The following DACH2 variants were observed in gnomAD, a reference collection of about 807,000 sequenced individuals.
DACH2 encodes the protein dachshund homolog 2.
Under a neutral mutation model 35.8 loss-of-function variants are expected in DACH2, and 17 were observed. The ratio of observed to expected loss-of-function variants is 0.48; its 90% CI spans 0.33 to 0.71. The LOEUF is 0.71. Among genes scored for constraint, DACH2 ranks in the 30% least tolerant of loss-of-function variants. The pLI is 0.02. For synonymous variants in DACH2, 195 were observed against 177.3 expected, an observed-to-expected ratio of 1.10 and a Z score of -0.79; for missense variants, 469 against 472.7, an observed-to-expected ratio of 0.99 and a Z score of 0.07.
chrX:86,492,729 T>A (rs745793498), intron 2 of DACH2, among the ~76,000 whole-genome samples: 122 of 111,937 alleles, frequency 1.1e-3, no homozygotes, highest in Middle Eastern at 4.6e-3. Context: ...CCTGTGTTAA[T>A]TCACTTAGGA....
intron 3 of DACH2, among the ~76,000 whole-genome samples, chrX:86,563,406 C>T (rs1483501740): frequency 3.6e-5 from 4 of 110,451 alleles, no homozygotes; most frequent in Admixed American, 2.9e-4. Context: ...GATAGTTCCA[C>T]TAGTTGTAAT....
intron 1 of DACH2, among the ~76,000 whole-genome samples, chrX:86,196,248 T>G (rs1299705400): frequency 8.9e-6 from 1 of 111,744 alleles, no homozygotes; most frequent in Non-Finnish European, 1.9e-5. Flanking sequence ...GAACATTAAC[T>G]GATAGAGCTG....
At chrX:86,488,930 C>T (rs112031672) in intron 2 of DACH2, among the ~76,000 whole-genome samples, 6,903 of 110,704 alleles carry the variant, frequency 0.062, 493 homozygotes, top group African/African-American at 0.21. Context: ...CATTACCTAA[C>T]GATACAGAAG....
intron 3 of DACH2, among the ~76,000 whole-genome samples, chrX:86,635,351 C>T (rs1363567162): frequency 9.6e-6 from 1 of 104,450 alleles, no homozygotes; most frequent in Non-Finnish European, 2.0e-5. Context: ...AAAAAAACCT[C>T]TCAAACTAGG....
At position 86,474,302 on chromosome X, in the gene DACH2, C is replaced by T. The variant is rs187525507; in HGVS notation, c.528-39977C>T. ...ATGGGTAGTTTGCAAATATTTTCTC[C>T]TATTTTGTGGGTTGTGTCTTTGTTG... On this transcript the variant is annotated intron_variant, in intron 2 of 11. Transcript: ENST00000373125. 8.1e-5 allele frequency among the ~76,000 whole-genome samples: 9 copies of T among 111,370 alleles called. No homozygotes were observed. In the East Asian group the frequency reaches 2.3e-3, roughly 28 times the overall value.
chrX:86,312,344 G>A (rs2034818826), intron 1 of DACH2, among the ~76,000 whole-genome samples: 1 of 111,700 alleles, frequency 9.0e-6, no homozygotes. Context: ...TTAGTTGTAC[G>A]AAGGATAGCT....
chrX:86,533,154 A>G (rs2038748974), intron 3 of DACH2, among the ~76,000 whole-genome samples: 1 of 110,397 alleles, frequency 9.1e-6, no homozygotes, highest in African/African-American at 3.3e-5. Flanking sequence ...GACTCAAGTG[A>G]CTCTCCTGCC....
intron 7 of DACH2, among the ~76,000 whole-genome samples, chrX:86,763,771 G>C (rs763208847): frequency 8.9e-6 from 1 of 111,964 alleles, no homozygotes; most frequent in East Asian, 2.8e-4. Flanking sequence ...GGTGTAAGGG[G>C]AATTTCTGGT....
chrX:86,311,236 T>C (rs1049799272), intron 1 of DACH2, among the ~76,000 whole-genome samples: 1 of 111,960 alleles, frequency 8.9e-6, no homozygotes, highest in African/African-American at 3.2e-5. Context: ...AAGATTACCA[T>C]CCATGGACTC....
rs1169805290 is a variant in DACH2, at chrX:86,305,900, T to A, written c.489-70924T>A. Among the ~76,000 whole-genome samples the A allele has an allele frequency of 2.7e-5, 3 of 111,749 alleles. No individual in the cohort carries two copies. The Admixed American group carries it at 2.9e-4, about 11-fold the overall frequency. ...AAATCAAAACCACAATGAGATGTCA[T>A]CTCACACCAGTTAGAATGGCTATCG... On this transcript the variant is annotated intron_variant, in intron 1 of 11. Transcript: ENST00000373125.
chrX:86,455,911 G>A (rs965714389), intron 2 of DACH2, among the ~76,000 whole-genome samples: 20 of 112,281 alleles, frequency 1.8e-4, no homozygotes, highest in African/African-American at 6.5e-4. Flanking sequence ...GTATGTTTTA[G>A]TGGCTGTTCT....
chrX:86,411,686 C>A (rs1485530525), intron 2 of DACH2, among the ~76,000 whole-genome samples: 2 of 111,687 alleles, frequency 1.8e-5, no homozygotes, highest in African/African-American at 6.5e-5. Flanking sequence ...TTTCTTAGTA[C>A]AAGCGTATAC....
chrX:86,543,755 T>A (rs1344833788), intron 3 of DACH2, among the ~76,000 whole-genome samples: 1 of 100,818 alleles, frequency 9.9e-6, no homozygotes, highest in African/African-American at 3.7e-5. Context: ...AAACACCACA[T>A]ATTCTCACTC....
At chrX:86,461,150 C>A (rs1255813005) in intron 2 of DACH2, among the ~76,000 whole-genome samples, 2 of 111,523 alleles carry the variant, frequency 1.8e-5, no homozygotes, top group African/African-American at 6.5e-5. Context: ...CTTTTAGTAA[C>A]CTCCCTTTCC....
At chrX:86,642,363 G>A (rs924277339) in intron 3 of DACH2, among the ~76,000 whole-genome samples, 1 of 111,683 alleles carries the variant, frequency 9.0e-6, no homozygotes, top group Non-Finnish European at 1.9e-5. Context: ...ACAAGGAAGA[G>A]CATTACATAA....
chrX:86,370,630 A>C (rs1275086385), intron 1 of DACH2, among the ~76,000 whole-genome samples: 1 of 111,769 alleles, frequency 8.9e-6, no homozygotes, highest in Non-Finnish European at 1.9e-5. Flanking sequence ...GAAAGATAAA[A>C]AATTTCCAAC....
intron 1 of DACH2, among the ~76,000 whole-genome samples, chrX:86,211,726 A>C (rs977730751): frequency 4.5e-5 from 5 of 111,872 alleles, no homozygotes; most frequent in Non-Finnish European, 9.4e-5. Context: ...TTGATCTGGA[A>C]ATCCTAAGTA....
rs148085510 is a variant in DACH2, at chrX:86,710,815, A to C, written c.932-3733A>C. On this transcript the variant is annotated intron_variant, in intron 5 of 11. Transcript: ENST00000373125. ...CTGGTAGCAGTAAGTAGTCACTGGA[A>C]GTCTTAAAAAGGGAGTGGAAAAGCA... Among the ~76,000 whole-genome samples the C allele has an allele frequency of 8.5e-3, 946 of 111,945 alleles. 8 individuals carry two copies. The highest frequency in any genetic ancestry group is 0.016 in the South Asian group (42 of 2,651).
chrX:86,642,158 A>G (rs954109979), intron 3 of DACH2, among the ~76,000 whole-genome samples: 5 of 111,793 alleles, frequency 4.5e-5, no homozygotes, highest in African/African-American at 1.6e-4. Flanking sequence ...AAAGGTACAT[A>G]GTGGTAAGCT....
Sources: gnomAD v4.1 joint callset for allele counts (sites outside exome capture counted in the v4.1 genomes callset) on GRCh38, gnomAD v4.1.1 for gene constraint, MANE v1.5 for transcripts, NCBI Gene and HGNC (gene_info 2026-07-23, HGNC 2026-07-21) for gene names.